KCTD8: variants seen among roughly 807,000 people sequenced by gnomAD.
KCTD8 encodes BTB/POZ domain-containing protein KCTD8.
Under a neutral mutation model 31.5 loss-of-function variants are expected in KCTD8, and 27 were observed. The observed-to-expected ratio is 0.86, with a 90% CI of 0.63 to 1.18. The LOEUF is 1.18. Among genes scored for constraint, KCTD8 ranks in the 50% most tolerant of loss-of-function variants. KCTD8 has a pLI of 0.00. For missense variants in KCTD8, 658 were observed against 647.7 expected, an observed-to-expected ratio of 1.02 and a Z score of -0.17; for synonymous variants, 290 against 280.0, an observed-to-expected ratio of 1.04 and a Z score of -0.36.
chr4:44,191,108 A>G (rs1316001645), intron 1 of KCTD8, among the ~76,000 whole-genome samples: 1 of 152,222 alleles, frequency 6.6e-6, no homozygotes, highest in Non-Finnish European at 1.5e-5. Context: ...AGTTCCTAAA[A>G]TTAATACTTT....
At chr4:44,373,002 T>G (rs1228543359) in intron 1 of KCTD8, among the ~76,000 whole-genome samples, 1 of 152,204 alleles carries the variant, frequency 6.6e-6, no homozygotes, top group Admixed American at 6.5e-5. Context: ...CTGTGGCTAG[T>G]AATTTCTCTT....
At chr4:44,372,085 T>C (rs375184843) in intron 1 of KCTD8, among the ~76,000 whole-genome samples, 19 of 152,342 alleles carry the variant, frequency 1.2e-4, no homozygotes, top group African/African-American at 4.3e-4. Flanking sequence ...AATAGCATTA[T>C]TCCCTACTAG....
rs529556009 is a variant in KCTD8 at position 44,272,345 on chromosome 4, A to T, written c.962-97095T>A. On this transcript the variant is annotated intron_variant, in intron 1 of 1. Transcript: ENST00000360029. The stretch of plus-strand genomic sequence containing the variant: ...AACAAATAAGCAAAAAAATTTTTTT[A>T]AAAAAGTACTTCTACTGTATATATT... Among the ~76,000 whole-genome samples the T allele has an allele frequency of 2.9e-3, 434 of 151,896 alleles. 1 individual carries two copies. Among genetic ancestry groups the T allele is most frequent in the African/African-American group, 7.2e-3 (297 of 41,460 alleles).
chr4:44,309,182 T>C (rs1717883612), intron 1 of KCTD8, among the ~76,000 whole-genome samples: 1 of 151,894 alleles, frequency 6.6e-6, no homozygotes, highest in Admixed American at 6.6e-5. Flanking sequence ...ATTACAGACA[T>C]ACACCACTAT....
intron 1 of KCTD8, among the ~76,000 whole-genome samples, chr4:44,369,033 A>G (rs1719713558): frequency 6.6e-6 from 1 of 152,138 alleles, no homozygotes; most frequent in Non-Finnish European, 1.5e-5. Context: ...ACTCCACTCA[A>G]GTATTCATCG....
chr4:44,244,599 T>A (rs763874861), intron 1 of KCTD8, among the ~76,000 whole-genome samples: 1 of 152,068 alleles, frequency 6.6e-6, no homozygotes, highest in Non-Finnish European at 1.5e-5. Context: ...TACCTAAATA[T>A]CCTCCTCTCC....
At chr4:44,316,517 C>T (rs891104910) in intron 1 of KCTD8, among the ~76,000 whole-genome samples, 2 of 151,784 alleles carry the variant, frequency 1.3e-5, no homozygotes, top group East Asian at 1.9e-4. Flanking sequence ...ACAAGTGTGC[C>T]GAGCCAAATG....
At chr4:44,378,028 T>C (rs1211613763) in intron 1 of KCTD8, among the ~76,000 whole-genome samples, 1 of 151,852 alleles carries the variant, frequency 6.6e-6, no homozygotes, top group Non-Finnish European at 1.5e-5. Context: ...GTATGTAAAG[T>C]TAATTTTTTT....
intron 1 of KCTD8, among the ~76,000 whole-genome samples, chr4:44,394,664 CTA>C (rs1340581274): frequency 6.6e-6 from 1 of 152,014 alleles, no homozygotes; most frequent in African/African-American, 2.4e-5. Context: ...CACAATTTTG[CTA>C]TGTCGTATGT....
At chr4:44,214,639 C>T (rs1714596194) in intron 1 of KCTD8, among the ~76,000 whole-genome samples, 1 of 152,142 alleles carries the variant, frequency 6.6e-6, no homozygotes, top group Non-Finnish European at 1.5e-5. Context: ...GAGATCTGAC[C>T]TAACTGACCC....
At chr4:44,428,160 T>A (rs1316188560) in intron 1 of KCTD8, among the ~76,000 whole-genome samples, 3 of 151,802 alleles carry the variant, frequency 2.0e-5, no homozygotes, top group Admixed American at 2.0e-4. Context: ...TTTTTTAATA[T>A]AAATACAAAA....
intron 1 of KCTD8, among the ~76,000 whole-genome samples, chr4:44,377,100 C>T (rs1719935452): frequency 6.6e-6 from 1 of 152,154 alleles, no homozygotes; most frequent in Non-Finnish European, 1.5e-5. Context: ...ATGCTCTAGC[C>T]TCCTCCATTT....
chr4:44,305,092 T>A (rs971000527), intron 1 of KCTD8, among the ~76,000 whole-genome samples: 10 of 152,138 alleles, frequency 6.6e-5, no homozygotes, highest in African/African-American at 2.2e-4. Flanking sequence ...ATTAATCACA[T>A]GCTTTATTCA....
At chr4:44,414,199 GA>G (rs60610727) in intron 1 of KCTD8, among the ~76,000 whole-genome samples, 11,712 of 142,798 alleles carry the variant, frequency 0.082, 1,246 homozygotes, top group African/African-American at 0.25. Flanking sequence ...ACAGAGTCCT[GA>G]AAAAAAAAAA....
At chr4:44,428,308 T>G (rs969122792) in intron 1 of KCTD8, among the ~76,000 whole-genome samples, 151 of 151,864 alleles carry the variant, frequency 9.9e-4, no homozygotes, top group African/African-American at 3.5e-3. Context: ...CAGTGTAGCT[T>G]CATTTATGAT....
chr4:44,240,889 T>A (rs1352950273), intron 1 of KCTD8, among the ~76,000 whole-genome samples: 5 of 152,212 alleles, frequency 3.3e-5, no homozygotes. Context: ...GGAATTTCTG[T>A]TATCTTCCCT....
At chr4:44,271,733 C>T (rs1253326378) in intron 1 of KCTD8, among the ~76,000 whole-genome samples, 2 of 152,158 alleles carry the variant, frequency 1.3e-5, no homozygotes, top group Non-Finnish European at 2.9e-5. Context: ...GAGCCCATCC[C>T]TTTGTTTCGG....
intron 1 of KCTD8, among the ~76,000 whole-genome samples, chr4:44,360,351 A>G (rs1196191106): frequency 6.6e-6 from 1 of 152,054 alleles, no homozygotes; most frequent in African/African-American, 2.4e-5. Flanking sequence ...CACTTAGTAC[A>G]TATGATTTGC....
intron 1 of KCTD8, among the ~76,000 whole-genome samples, chr4:44,256,163 T>C (rs1715985036): frequency 6.6e-6 from 1 of 151,806 alleles, no homozygotes; most frequent in South Asian, 2.1e-4. Flanking sequence ...CATTATTCAA[T>C]TACCTCCCAC....
Sources: allele counts gnomAD v4.1 joint callset (sites outside exome capture counted in the v4.1 genomes callset), GRCh38; gene constraint gnomAD v4.1.1; transcripts MANE v1.5; gene names NCBI Gene and HGNC (gene_info 2026-07-23, HGNC 2026-07-21).